PHACTR3: variants seen among roughly 807,000 people sequenced by gnomAD.
The protein encoded by PHACTR3 is phosphatase and actin regulator 3, also known as protein phosphatase 1, regulatory subunit 123.
Under a neutral mutation model 66.8 loss-of-function variants are expected in PHACTR3, and 16 were observed. The ratio of observed to expected loss-of-function variants is 0.24; its 90% CI spans 0.16 to 0.36. The LOEUF is 0.36. Ranked by LOEUF, PHACTR3 falls within the 10% of genes least tolerant of loss-of-function variation. The pLI is 1.00. For missense variants in PHACTR3, 647 were observed against 719.9 expected (o/e 0.90, Z 1.16); for synonymous variants, 323 against 292.1 (o/e 1.11, Z -1.08).
At chr20:59,804,415 C>T (rs1433712258) in intron 7 of PHACTR3, among the ~76,000 whole-genome samples, 5 of 152,168 alleles carry the variant, frequency 3.3e-5, no homozygotes, top group South Asian at 2.1e-4. Context: ...GATTAAACCA[C>T]GTTCAGTATA....
intron 9 of PHACTR3, 34 bp from the exon 10 acceptor site, chr20:59,840,335 G>GTTAT (rs760046681): frequency 2.4e-5 from 39 of 1,597,286 alleles, no homozygotes; most frequent in Non-Finnish European, 3.1e-5. Context: ...GTTTCTCTTT[G>GTTAT]TTATTTTTTT....
At position 59,604,962 on chromosome 20, in the gene PHACTR3, A is replaced by T. The variant is rs1367723286; in HGVS notation, c.-53A>T. On this transcript the variant is annotated 5_prime_UTR_variant, in exon 1 of 13. The change abolishes an upstream ATG in the 5' untranslated region. Coordinates refer to ENST00000371015, the MANE Select transcript of PHACTR3 (RefSeq NM_080672.5). ...TCGCCGGTGACCTTGGCCGCCTCGG[A>T]TGCTCTGATTCCACGCGGCTCGCTC... The T allele has an allele frequency of 3.3e-6, 4 of 1,196,612 alleles. No homozygotes were observed. The allele number at this position is 1,196,612 out of a possible 1,614,324, so 74.1% of individuals were successfully genotyped here.
At chr20:59,780,109 G>C (rs577802705) in intron 7 of PHACTR3, among the ~76,000 whole-genome samples, 1 of 152,228 alleles carries the variant, frequency 6.6e-6, no homozygotes, top group Admixed American at 6.5e-5. Flanking sequence ...ATGGGAATCC[G>C]GGCTGCAAGG....
At chr20:59,658,124 A>G (rs961094932) in intron 1 of PHACTR3, among the ~76,000 whole-genome samples, 1 of 152,144 alleles carries the variant, frequency 6.6e-6, no homozygotes, top group Non-Finnish European at 1.5e-5. Flanking sequence ...TTTAATTATT[A>G]TAATTTTCTA....
intron 1 of PHACTR3, among the ~76,000 whole-genome samples, chr20:59,645,317 A>AC (rs1434837435): frequency 6.6e-6 from 1 of 151,246 alleles, no homozygotes; most frequent in East Asian, 2.0e-4. Context: ...GGCCCAGAGA[A>AC]CAGGTGCTCA....
chr20:59,689,704 G>A (rs1380273466), intron 1 of PHACTR3, among the ~76,000 whole-genome samples: 2 of 152,188 alleles, frequency 1.3e-5, no homozygotes, highest in East Asian at 3.8e-4. Context: ...AATCCCTCTT[G>A]TAGAGTTCCA....
At chr20:59,615,240 A>G (rs1410685566) in intron 1 of PHACTR3, among the ~76,000 whole-genome samples, 1 of 152,228 alleles carries the variant, frequency 6.6e-6, no homozygotes, top group Non-Finnish European at 1.5e-5. Flanking sequence ...CTTGGAAGAC[A>G]CAGGCATGCC....
At chr20:59,649,850 GT>G (rs1301441610) in intron 1 of PHACTR3, among the ~76,000 whole-genome samples, 1 of 152,088 alleles carries the variant, frequency 6.6e-6, no homozygotes, top group Admixed American at 6.6e-5. Context: ...AAAGGTTCCT[GT>G]TTTTTGCCCT....
chr20:59,640,258 T>C (rs2035056597), intron 1 of PHACTR3, among the ~76,000 whole-genome samples: 1 of 152,170 alleles, frequency 6.6e-6, no homozygotes, highest in African/African-American at 2.4e-5. Context: ...ATGTCAACTC[T>C]CCCTGCTTTG....
rs2041245013 is a variant in PHACTR3, at chr20:59,796,035, G to T, written c.1175-10006G>T. Among the ~76,000 whole-genome samples, 2 of 151,914 alleles carry T rather than the reference G, an allele frequency of 1.3e-5. 1 individual carries two copies. Among genetic ancestry groups the T allele is most frequent in the South Asian group, 4.2e-4 (2 of 4,814 alleles). On this transcript the variant is annotated intron_variant, in intron 7 of 12. Transcript: ENST00000371015. Reference sequence around the variant, plus strand: ...TTTCTGGTTATTTTATAGATCTTTTGATCCTCTTTTCCTCTGTTGTTGTTT... The same window carrying T: ...TTTCTGGTTATTTTATAGATCTTTTTATCCTCTTTTCCTCTGTTGTTGTTT...
At chr20:59,588,798 G>A (rs996846883) in intron 1 of PHACTR3, among the ~76,000 whole-genome samples, 5 of 152,200 alleles carry the variant, frequency 3.3e-5, no homozygotes, top group Non-Finnish European at 5.9e-5. Flanking sequence ...GTGAATTAAC[G>A]AATGAGAGAC....
intron 8 of PHACTR3, among the ~76,000 whole-genome samples, chr20:59,809,878 C>A (rs1298030461): frequency 6.6e-6 from 1 of 152,128 alleles, no homozygotes; most frequent in Non-Finnish European, 1.5e-5. Context: ...TCCATTGGGT[C>A]CAGCTGGCAC....
At chr20:59,662,024 A>G (rs903608816) in intron 1 of PHACTR3, among the ~76,000 whole-genome samples, 3 of 152,076 alleles carry the variant, frequency 2.0e-5, no homozygotes, top group African/African-American at 7.2e-5. Flanking sequence ...AGGAGACCCC[A>G]TTTAGAGACA....
At position 59,830,549 on chromosome 20, in the gene PHACTR3, T is replaced by A. The variant is rs1442809488; in HGVS notation, c.1329-5956T>A. On this transcript the variant is annotated intron_variant, in intron 8 of 12. Coordinates refer to ENST00000371015, the MANE Select transcript of PHACTR3 (RefSeq NM_080672.5). This position sits in a 1 kb window ranked among gnomAD's most constrained non-coding sequence, Gnocchi z 5.8. ...AGGCTGTGAGTGTCTGAAGGAGGAGTGATTCTTGGGGATCCAGGCCTGCAA... is the reference window on the plus strand; with the variant it reads ...AGGCTGTGAGTGTCTGAAGGAGGAGAGATTCTTGGGGATCCAGGCCTGCAA... Among the ~76,000 whole-genome samples, 1 of 151,466 alleles carries A rather than the reference T, an allele frequency of 6.6e-6. No individual in the cohort carries two copies.
intron 1 of PHACTR3, among the ~76,000 whole-genome samples, chr20:59,722,380 TC>T (rs1193943777): frequency 6.6e-6 from 1 of 152,108 alleles, no homozygotes; most frequent in Admixed American, 6.5e-5. Flanking sequence ...GAGAAGGTAT[TC>T]CTGGCAGAGA....
chr20:59,657,805 T>G (rs1165365327), intron 1 of PHACTR3, among the ~76,000 whole-genome samples: 1 of 152,184 alleles, frequency 6.6e-6, no homozygotes, highest in African/African-American at 2.4e-5. Flanking sequence ...TTATACTATT[T>G]AGAATTTGTT....
intron 5 of PHACTR3, among the ~76,000 whole-genome samples, chr20:59,769,700 A>G (rs942062117): frequency 2.0e-5 from 3 of 152,224 alleles, no homozygotes; most frequent in African/African-American, 7.2e-5. Context: ...GGCATAGTAC[A>G]GGGCATACAG....
chr20:59,647,279 C>A (rs1224639682), intron 1 of PHACTR3, among the ~76,000 whole-genome samples: 2 of 152,168 alleles, frequency 1.3e-5, no homozygotes, highest in Non-Finnish European at 2.9e-5. Context: ...AGACTTACTA[C>A]CATGAAAACA....
intron 1 of PHACTR3, among the ~76,000 whole-genome samples, chr20:59,691,415 T>A (rs1311773340): frequency 1.3e-5 from 2 of 152,230 alleles, no homozygotes; most frequent in African/African-American, 4.8e-5. Flanking sequence ...TGAATGATAA[T>A]CGCTTTTCTC....
Sources: allele counts gnomAD v4.1 joint callset (sites outside exome capture counted in the v4.1 genomes callset), GRCh38; gene constraint gnomAD v4.1.1; non-coding constraint Gnocchi (gnomAD v3.1); transcripts MANE v1.5; gene names NCBI Gene and HGNC (gene_info 2026-07-23, HGNC 2026-07-21).